The following CFHR2 variants were observed in gnomAD, a reference collection of about 807,000 sequenced individuals.
CFHR2 encodes complement factor H-related protein 2.
A neutral mutation model predicts 21.7 loss-of-function variants in CFHR2; 22 were observed. The ratio of observed to expected loss-of-function variants is 1.01; its 90% CI spans 0.72 to 1.45. The LOEUF (loss-of-function observed/expected upper bound fraction) is 1.45. Among genes scored for constraint, CFHR2 ranks in the 40% most tolerant of loss-of-function variants. The pLI is 0.00. For missense variants in CFHR2, 294 were observed against 293.3 expected (o/e 1.00, Z -0.02); for synonymous variants, 98 against 97.4 (o/e 1.01, Z -0.04).
At chr1:196,946,807 T>C (rs1659512188) in intron 1 of CFHR2, among the ~76,000 whole-genome samples, 1 of 152,320 alleles carries the variant, frequency 6.6e-6, no homozygotes, top group South Asian at 2.1e-4. Flanking sequence ...GTAGAAGAAG[T>C]TAACTATAAA....
intron 4 of CFHR2, among the ~76,000 whole-genome samples, chr1:196,958,469 A>T (rs894756546): frequency 2.6e-5 from 4 of 151,842 alleles, no homozygotes; most frequent in Non-Finnish European, 5.9e-5. Context: ...CTCTTTTCAA[A>T]TTTCAAGTAA....
intron 1 of CFHR2, 155 bp from the exon 2 acceptor site, chr1:196,949,300 C>T: frequency 1.5e-6 from 1 of 677,332 alleles, no homozygotes; most frequent in South Asian, 2.0e-5. Context: ...TTAGTGATGT[C>T]TTTTCATTCC....
At chr1:196,945,028 C>A (rs1659425524) in intron 1 of CFHR2, among the ~76,000 whole-genome samples, 1 of 147,232 alleles carries the variant, frequency 6.8e-6, no homozygotes, top group Non-Finnish European at 1.5e-5. Flanking sequence ...AGGCATGCAC[C>A]ACCACGCCTG....
At chr1:196,948,275 T>G (rs1659592414) in intron 1 of CFHR2, among the ~76,000 whole-genome samples, 1 of 149,840 alleles carries the variant, frequency 6.7e-6, no homozygotes, top group Non-Finnish European at 1.5e-5. Context: ...TTATTTTATT[T>G]TATTTTAATT....
intron 3 of CFHR2, 74 bp from the exon 4 acceptor site, chr1:196,957,817 C>A: frequency 3.8e-6 from 5 of 1,326,226 alleles, no homozygotes; most frequent in African/African-American, 2.9e-5. Context: ...CTATAAAGTG[C>A]CTTGTTTGCA....
At position 196,950,849 on chromosome 1, in the gene CFHR2, T is replaced by C; in HGVS notation, c.254-3T>C. On this transcript the variant is annotated splice_polypyrimidine_tract_variant and splice_region_variant and intron_variant, in intron 2 of 4. Transcript: ENST00000367415. ...TGTCTATTAATCTGTTTTTGGTCTT[T>C]AGGACTGTGTTTCTTTCCTTTTGTG... 1 of 1,613,066 alleles carries C rather than the reference T, an allele frequency of 6.2e-7. No homozygotes were observed. The highest frequency in any genetic ancestry group is 1.3e-5 in the African/African-American group (1 of 75,032).
chr1:196,949,620 A>G lies in CFHR2; in HGVS notation c.224A>G (p.Glu75Gly). The change falls in exon 2 of 5, where the codon GAA (glutamate) becomes GGA (glycine). Residue 75 changes from glutamate (E) to glycine (G), a missense_variant. Coordinates refer to ENST00000367415, the MANE Select transcript of CFHR2 (RefSeq NM_005666.4). The part of the protein sequence containing the change: ...SFWTRITCAE[E>G]GWSPTPKCLR... Reference sequence around the variant, plus strand: ...TGGACTCGCATAACGTGCGCAGAAGAAGGATGGTCACCAACACCAAAGTGT... The same window carrying G: ...TGGACTCGCATAACGTGCGCAGAAGGAGGATGGTCACCAACACCAAAGTGT... 1 of 1,613,924 alleles carries G rather than the reference A, an allele frequency of 6.2e-7. No homozygotes were observed.
chr1:196,949,327 G>C (rs1057040259), intron 1 of CFHR2, 128 bp from the exon 2 acceptor site: 1 of 857,896 alleles, frequency 1.2e-6, no homozygotes, highest in Admixed American at 2.9e-5. Context: ...GGACACTGGA[G>C]AGCATTTAAG....
At chr1:196,957,740 A>G (rs1652946447) in intron 3 of CFHR2, 151 bp from the exon 4 acceptor site, 1 of 670,610 alleles carries the variant, frequency 1.5e-6, no homozygotes, top group Non-Finnish European at 2.5e-6. Flanking sequence ...TTTAACTTTC[A>G]GTTTGTAGGA....
At chr1:196,945,164 C>T (rs1361255865) in intron 1 of CFHR2, among the ~76,000 whole-genome samples, 5 of 144,842 alleles carry the variant, frequency 3.5e-5, no homozygotes, top group South Asian at 2.2e-4. Context: ...GCATAAGCCA[C>T]CACGCCTAGC....
chr1:196,958,273 A>T (rs982824144), intron 4 of CFHR2, among the ~76,000 whole-genome samples, 200 bp downstream of exon 4: 1 of 152,024 alleles, frequency 6.6e-6, no homozygotes, highest in Non-Finnish European at 1.5e-5. Context: ...CATTTAGTTG[A>T]TAAATAAAAA....
chr1:196,953,313 C>A (rs937623363), intron 3 of CFHR2, among the ~76,000 whole-genome samples: 3 of 152,004 alleles, frequency 2.0e-5, no homozygotes, highest in Admixed American at 1.3e-4. Flanking sequence ...GACAGAGTCT[C>A]ACTGTGTTGC....
Position 196,959,140 on chromosome 1 carries a change from G to C in CFHR2, c.*60G>C. On this transcript the variant is annotated 3_prime_UTR_variant, in exon 5 of 5. Coordinates refer to ENST00000367415, the MANE Select transcript of CFHR2 (RefSeq NM_005666.4). ...TTTTTCTGAATTTACTATTATATTT[G>C]TTTTCAATTTCATTTTTCAAGTACT... 2 of 1,179,610 alleles carry C rather than the reference G, an allele frequency of 1.7e-6. No individual in the cohort carries two copies. The highest frequency in any genetic ancestry group is 1.5e-5 in the South Asian group (1 of 67,428). 73.1% of individuals were successfully genotyped at this position (1,179,610 alleles called of 1,614,324 possible). A position where few individuals can be genotyped will look rare whatever the true frequency, so the allele number is the denominator to read the frequency against.
chr1:196,949,415 G>T (rs369785960), intron 1 of CFHR2, 40 bp from the exon 2 acceptor site: 47 of 1,551,056 alleles, frequency 3.0e-5, no homozygotes, highest in Non-Finnish European at 3.9e-5. Context: ...TATTTATGTA[G>T]CTTATTATGT....
chr1:196,958,556 A>G (rs542348448), intron 4 of CFHR2, among the ~76,000 whole-genome samples: 2 of 152,102 alleles, frequency 1.3e-5, no homozygotes, highest in Non-Finnish European at 2.9e-5. Flanking sequence ...CTTATTACTG[A>G]AAGTTTGGAT....
chr1:196,947,040 A>G (rs896205161), intron 1 of CFHR2, among the ~76,000 whole-genome samples: 2 of 152,176 alleles, frequency 1.3e-5, no homozygotes, highest in Non-Finnish European at 2.9e-5. Context: ...CAGCTACACT[A>G]TAATCTTATG....
chr1:196,946,718 C>G (rs1383258579), intron 1 of CFHR2, among the ~76,000 whole-genome samples: 3 of 152,146 alleles, frequency 2.0e-5, no homozygotes, highest in African/African-American at 7.2e-5. Flanking sequence ...CCTATGATAA[C>G]AAAGGTTTCT....
intron 3 of CFHR2, among the ~76,000 whole-genome samples, chr1:196,952,426 G>A (rs1439995766): frequency 6.6e-6 from 1 of 152,094 alleles, no homozygotes; most frequent in African/African-American, 2.4e-5. Context: ...AAGAACAAAT[G>A]TTATGAATAC....
chr1:196,959,108 GCACA>G lies in CFHR2; in HGVS notation c.*30_*33del. On this transcript the variant is annotated 3_prime_UTR_variant, in exon 5 of 5. Transcript: ENST00000367415. ...TCAATGGCATTACTATTAGTAAAAT[GCACA>G]CCTTTTTCTGAATTTACTATTATAT... The G allele has an allele frequency of 7.0e-7, 1 of 1,424,988 alleles. No homozygotes were observed. The highest frequency in any genetic ancestry group is 9.7e-7 in the Non-Finnish European group (1 of 1,029,052). 88.3% of individuals were successfully genotyped at this position (1,424,988 alleles called of 1,614,324 possible).
Sources: allele counts gnomAD v4.1 joint callset (sites outside exome capture counted in the v4.1 genomes callset), GRCh38; gene constraint gnomAD v4.1.1; transcripts MANE v1.5; gene names NCBI Gene and HGNC (gene_info 2026-07-23, HGNC 2026-07-21).